Variants in RARB observed in about 807,000 individuals in gnomAD.
RARB encodes HBV-activated protein.
RARB carries 17 observed loss-of-function variants against 51.9 expected under a neutral mutation model. The ratio of observed to expected loss-of-function variants is 0.33; its 90% CI spans 0.22 to 0.49. The LOEUF (loss-of-function observed/expected upper bound fraction) is 0.49, where lower values mean the gene tolerates loss of function less well. RARB is among the 20% of genes least tolerant of loss of function. The pLI is 0.99. For synonymous variants in RARB, 215 were observed against 195.4 expected (o/e 1.10, Z -0.84); for missense variants, 369 against 550.8 (o/e 0.67, Z 3.30).
intron 3 of RARB, among the ~76,000 whole-genome samples, chr3:25,107,281 C>A (rs889840265): frequency 1.3e-5 from 2 of 152,144 alleles, no homozygotes; most frequent in African/African-American, 4.8e-5. Flanking sequence ...ACATTGTGCT[C>A]TGTTTTCTTG....
At chr3:24,884,978 A>G (rs1475010744) in intron 2 of RARB, among the ~76,000 whole-genome samples, 4 of 152,154 alleles carry the variant, frequency 2.6e-5, no homozygotes, top group African/African-American at 9.6e-5. Flanking sequence ...AAAAAAGAAA[A>G]GGCAGGATGG....
At chr3:25,497,275 C>T (rs1410988439) in intron 2 of RARB, among the ~76,000 whole-genome samples, 1 of 130,148 alleles carries the variant, frequency 7.7e-6, no homozygotes, top group Non-Finnish European at 1.6e-5. Flanking sequence ...CTGCCTGAGG[C>T]CCTCAGAGGT....
At chr3:24,961,756 G>A (rs1264265265) in intron 2 of RARB, among the ~76,000 whole-genome samples, 2 of 152,140 alleles carry the variant, frequency 1.3e-5, no homozygotes, top group East Asian at 1.9e-4. Context: ...TGGCAAAGCC[G>A]ATGACTAAAA....
intron 5 of RARB, among the ~76,000 whole-genome samples, chr3:25,243,255 C>G (rs761754433): frequency 4.6e-5 from 7 of 152,158 alleles, no homozygotes; most frequent in Admixed American, 1.3e-4. Context: ...CATCTGAAAA[C>G]AGAGATAATT....
intron 2 of RARB, among the ~76,000 whole-genome samples, chr3:24,910,761 C>T (rs991731178): frequency 2.9e-4 from 44 of 152,208 alleles, no homozygotes; most frequent in African/African-American, 1.0e-3. Flanking sequence ...GCAGAAAAGA[C>T]CATGGAGAAT....
chr3:25,428,951 A>G (rs1708092813), intron 1 of RARB, 63 bp downstream of exon 1: 1 of 1,511,468 alleles, frequency 6.6e-7, no homozygotes, highest in Non-Finnish European at 8.9e-7. Flanking sequence ...TGCATGCAAT[A>G]AAGACGTTGG....
At chr3:25,314,642 T>C (rs2125435640) in intron 5 of RARB, among the ~76,000 whole-genome samples, 1 of 152,320 alleles carries the variant, frequency 6.6e-6, no homozygotes, top group Admixed American at 6.5e-5. Context: ...TATCTAAATG[T>C]CTGGTGGAGT....
At chr3:24,838,585 G>A (rs1702376000) in intron 1 of RARB, among the ~76,000 whole-genome samples, 1 of 152,178 alleles carries the variant, frequency 6.6e-6, no homozygotes, top group Non-Finnish European at 1.5e-5. Flanking sequence ...CTGTAATAAA[G>A]CCACTGCAGA....
intron 2 of RARB, among the ~76,000 whole-genome samples, chr3:24,880,137 T>C (rs910214414): frequency 1.8e-4 from 28 of 152,330 alleles, no homozygotes; most frequent in African/African-American, 6.5e-4. Context: ...TTAGAATTTT[T>C]AGTTGTTCTC....
chr3:25,290,891 C>T (rs1272862196), intron 5 of RARB, among the ~76,000 whole-genome samples: 5 of 152,154 alleles, frequency 3.3e-5, no homozygotes, highest in Non-Finnish European at 7.3e-5. Flanking sequence ...ATAATGTTTT[C>T]CTTGTGAATT....
At chr3:25,017,316 G>T (rs138796843) in intron 2 of RARB, among the ~76,000 whole-genome samples, 2 of 144,354 alleles carry the variant, frequency 1.4e-5, no homozygotes, top group South Asian at 2.1e-4. Context: ...GTGTTTCCAC[G>T]TAGACCCCAC....
intron 5 of RARB, among the ~76,000 whole-genome samples, chr3:25,391,560 A>G (rs115422261): frequency 2.6e-4 from 39 of 152,060 alleles, no homozygotes; most frequent in African/African-American, 9.2e-4. Context: ...AGCATCTACT[A>G]TTTTTATGTT....
chr3:25,152,126 T>A (rs1183166975), intron 4 of RARB, among the ~76,000 whole-genome samples: 1 of 152,222 alleles, frequency 6.6e-6, no homozygotes, highest in East Asian at 1.9e-4. Context: ...CATTCCCAAG[T>A]GATTCTATAA....
At chr3:25,257,602 C>G (rs1486866388) in intron 5 of RARB, among the ~76,000 whole-genome samples, 1 of 152,024 alleles carries the variant, frequency 6.6e-6, no homozygotes, top group Non-Finnish European at 1.5e-5. Flanking sequence ...GGAGATCTGT[C>G]TTGTTAATGA....
chr3:25,323,586 C>T (rs1462962583), intron 5 of RARB, among the ~76,000 whole-genome samples: 1 of 152,072 alleles, frequency 6.6e-6, no homozygotes, highest in African/African-American at 2.4e-5. Context: ...AAGTAGATGC[C>T]ATAACTTTGG....
At chr3:25,327,795 A>G (rs1704769582) in intron 5 of RARB, among the ~76,000 whole-genome samples, 1 of 152,234 alleles carries the variant, frequency 6.6e-6, no homozygotes, top group African/African-American at 2.4e-5. Flanking sequence ...GATTGGATGC[A>G]AACAATGTAA....
At chr3:25,280,808 C>A (rs1019719360) in intron 5 of RARB, among the ~76,000 whole-genome samples, 5 of 152,054 alleles carry the variant, frequency 3.3e-5, no homozygotes, top group African/African-American at 4.8e-5. Flanking sequence ...TGCTTCCTTG[C>A]TTAATCAACC....
chr3:24,917,341 T>G (rs776397502), intron 2 of RARB, among the ~76,000 whole-genome samples: 1 of 152,208 alleles, frequency 6.6e-6, no homozygotes, highest in Non-Finnish European at 1.5e-5. Flanking sequence ...AAAAAATGTA[T>G]GTTTCAAAAT....
intron 5 of RARB, among the ~76,000 whole-genome samples, chr3:25,585,978 G>C (rs1388232081): frequency 6.6e-6 from 1 of 152,166 alleles, no homozygotes; most frequent in Non-Finnish European, 1.5e-5. Context: ...GATGGGTGAA[G>C]GAGGTAAATA....
Sources: allele counts gnomAD v4.1 joint callset (sites outside exome capture counted in the v4.1 genomes callset), GRCh38; gene constraint gnomAD v4.1.1; transcripts MANE v1.5; gene names NCBI Gene and HGNC (gene_info 2026-07-23, HGNC 2026-07-21).